The following GHR variants were observed in gnomAD, a reference collection of about 807,000 sequenced individuals.
GHR encodes the protein GH receptor.
A neutral mutation model predicts 67.1 loss-of-function variants in GHR; 35 were observed. The observed-to-expected ratio is 0.52, with a 90% CI of 0.40 to 0.69. The LOEUF (loss-of-function observed/expected upper bound fraction) is 0.69, where lower values mean the gene tolerates loss of function less well. GHR is among the 30% of genes least tolerant of loss of function. The pLI is 0.00. For missense variants in GHR, 792 were observed against 764.6 expected (o/e 1.04, Z -0.42); for synonymous variants, 272 against 269.1 (o/e 1.01, Z -0.10).
intron 1 of GHR, among the ~76,000 whole-genome samples, chr5:42,432,212 A>G (rs1258157404): frequency 2.6e-5 from 4 of 152,216 alleles, no homozygotes; most frequent in Admixed American, 6.5e-5. Context: ...AAAAATCCTT[A>G]TTCTTTTCTT....
At chr5:42,455,572 T>G (rs902969293) in intron 1 of GHR, among the ~76,000 whole-genome samples, 14 of 152,230 alleles carry the variant, frequency 9.2e-5, no homozygotes, top group Non-Finnish European at 1.9e-4. Flanking sequence ...AATTCCCAAT[T>G]TATATGAAAA....
At chr5:42,654,096 T>C (rs1205566829) in intron 3 of GHR, among the ~76,000 whole-genome samples, 1 of 152,152 alleles carries the variant, frequency 6.6e-6, no homozygotes, top group Non-Finnish European at 1.5e-5. Context: ...CCCTGAATTT[T>C]AGAACCAGAC....
At chr5:42,459,847 C>T (rs1400152504) in intron 1 of GHR, among the ~76,000 whole-genome samples, 1 of 152,110 alleles carries the variant, frequency 6.6e-6, no homozygotes, top group African/African-American at 2.4e-5. Flanking sequence ...TTGAGAGAGA[C>T]TGCATGAGAA....
intron 1 of GHR, chr5:42,467,314 G>C (rs749177684): frequency 1.8e-6 from 2 of 1,094,914 alleles, no homozygotes; most frequent in Non-Finnish European, 2.8e-6. Context: ...CTTCTCACCA[G>C]TATGGCTTCG....
intron 1 of GHR, among the ~76,000 whole-genome samples, chr5:42,532,037 G>A (rs114696612): frequency 6.6e-6 from 1 of 150,470 alleles, no homozygotes; most frequent in South Asian, 2.1e-4. Flanking sequence ...GGGAATACTT[G>A]TGACAAGATC....
chr5:42,524,516 A>C (rs1466622396), intron 1 of GHR, among the ~76,000 whole-genome samples: 1 of 152,344 alleles, frequency 6.6e-6, no homozygotes, highest in Admixed American at 6.5e-5. Flanking sequence ...AGAGCATAAA[A>C]GTTCAGAAAA....
chr5:42,713,342 G>T, intron 7 of GHR, 87 bp from the exon 8 acceptor site: 3 of 744,292 alleles, frequency 4.0e-6, no homozygotes, highest in East Asian at 2.5e-5. Context: ...TACAAATTAT[G>T]AATTTTTTGT....
At chr5:42,549,315 G>A (rs1050604878) in intron 1 of GHR, among the ~76,000 whole-genome samples, 17 of 152,122 alleles carry the variant, frequency 1.1e-4, no homozygotes, top group Admixed American at 1.3e-4. Flanking sequence ...TTTGAAAACC[G>A]TGTCCATGGG....
chr5:42,634,347 C>CCTAAAATCATTG (rs1432994757), intron 3 of GHR, among the ~76,000 whole-genome samples: 21 of 152,122 alleles, frequency 1.4e-4, no homozygotes, highest in Non-Finnish European at 2.8e-4. Flanking sequence ...CTATATTGGA[C>CCTAAAATCATTG]CCTAAAATCA....
intron 2 of GHR, among the ~76,000 whole-genome samples, chr5:42,587,186 AAAC>A (rs931857987): frequency 6.6e-6 from 1 of 152,200 alleles, no homozygotes; most frequent in African/African-American, 2.4e-5. Flanking sequence ...AAGTGAACAA[AAAC>A]AAAGCAAAAG....
intron 3 of GHR, among the ~76,000 whole-genome samples, chr5:42,685,999 G>A (rs1406411411): frequency 6.6e-6 from 1 of 152,168 alleles, no homozygotes; most frequent in African/African-American, 2.4e-5. Context: ...TGGTGTCTTA[G>A]TCATGAAGTC....
intron 1 of GHR, among the ~76,000 whole-genome samples, chr5:42,463,684 C>A (rs1288319796): frequency 6.6e-6 from 1 of 152,066 alleles, no homozygotes; most frequent in Non-Finnish European, 1.5e-5. Context: ...ATTTTCAAAA[C>A]GGAAAATACC....
At chr5:42,473,858 A>G (rs13154521) in intron 1 of GHR, among the ~76,000 whole-genome samples, 39,594 of 146,934 alleles carry the variant, frequency 0.27, 5,740 homozygotes, top group African/African-American at 0.32. Context: ...GCCTGGTGAC[A>G]GCAAGACTTT....
chr5:42,458,240 C>T (rs1046406928), intron 1 of GHR, among the ~76,000 whole-genome samples: 7 of 152,080 alleles, frequency 4.6e-5, no homozygotes, highest in African/African-American at 1.7e-4. Context: ...TACTACAAGG[C>T]TACAGTAACC....
intron 2 of GHR, among the ~76,000 whole-genome samples, chr5:42,590,266 A>G (rs1751705700): frequency 6.6e-6 from 1 of 152,196 alleles, no homozygotes; most frequent in Non-Finnish European, 1.5e-5. Context: ...TTTCAAATGT[A>G]GTGTTTCAAA....
intron 3 of GHR, among the ~76,000 whole-genome samples, chr5:42,640,766 A>ATATGTG (rs1754429697): frequency 1.3e-5 from 2 of 151,114 alleles, no homozygotes; most frequent in African/African-American, 4.9e-5. Context: ...CATATCATAT[A>ATATGTG]TGTGTGTGTG....
At chr5:42,627,609 G>A (rs534919411) in intron 2 of GHR, among the ~76,000 whole-genome samples, 2 of 152,350 alleles carry the variant, frequency 1.3e-5, no homozygotes, top group South Asian at 4.1e-4. Flanking sequence ...TTGCGACAGG[G>A]ATGTGGCTCA....
chr5:42,588,496 A>G (rs994518076), intron 2 of GHR, among the ~76,000 whole-genome samples: 19 of 139,664 alleles, frequency 1.4e-4, no homozygotes, highest in Non-Finnish European at 2.7e-4. Flanking sequence ...TCCACACTCC[A>G]GCCTGGGCAG....
At position 42,706,555 on chromosome 5, in the gene GHR, T is replaced by G. The variant is rs1001200717; in HGVS notation, c.619-4652T>G. Among the ~76,000 whole-genome samples the G allele has an allele frequency of 3.9e-5, 6 of 152,288 alleles. 1 individual carries two copies. In the South Asian group the frequency reaches 6.2e-4, roughly 16 times the overall value. On this transcript the variant is annotated intron_variant, in intron 6 of 9. Coordinates refer to ENST00000230882, the MANE Select transcript of GHR (RefSeq NM_000163.5). ...ATTTAAACCTTTAATCCATCTTGAG[T>G]TGATAGTCGTACATGTTGAAAGGAA...
Sources: gnomAD v4.1 joint callset for allele counts (sites outside exome capture counted in the v4.1 genomes callset) on GRCh38, gnomAD v4.1.1 for gene constraint, MANE v1.5 for transcripts, NCBI Gene and HGNC (gene_info 2026-07-23, HGNC 2026-07-21) for gene names.